Variants in DOCK4 observed in about 807,000 individuals in gnomAD.
DOCK4 encodes dedicator of cytokinesis protein 4.
DOCK4 carries 97 observed loss-of-function variants against 268.1 expected under a neutral mutation model. The ratio of observed to expected loss-of-function variants is 0.36; its 90% CI spans 0.31 to 0.43. The LOEUF (loss-of-function observed/expected upper bound fraction) is 0.43. DOCK4 is among the 20% of genes least tolerant of loss of function. The pLI, the probability that DOCK4 is intolerant of heterozygous loss-of-function variation, is 1.00. For missense variants in DOCK4, 2,145 were observed against 2,455.7 expected, an observed-to-expected ratio of 0.87 and a Z score of 2.67; for synonymous variants, 954 against 887.2, an observed-to-expected ratio of 1.08 and a Z score of -1.34.
At chr7:111,785,297 A>C (rs566507117) in intron 32 of DOCK4, among the ~76,000 whole-genome samples, 69 of 152,218 alleles carry the variant, frequency 4.5e-4, no homozygotes, top group Non-Finnish European at 7.6e-4. Context: ...TTTCAGGCTT[A>C]AATTGCAAAT....
At chr7:111,736,350 C>G (rs1795472441) in intron 50 of DOCK4, among the ~76,000 whole-genome samples, 1 of 152,192 alleles carries the variant, frequency 6.6e-6, no homozygotes, top group Non-Finnish European at 1.5e-5. Flanking sequence ...TCTTCATCTT[C>G]TGCCGTGTTG....
intron 12 of DOCK4, among the ~76,000 whole-genome samples, chr7:111,930,116 C>T (rs965155711): frequency 9.9e-5 from 15 of 152,204 alleles, no homozygotes; most frequent in African/African-American, 3.4e-4. Context: ...ATTTCAAATT[C>T]TCACAACATT....
At chr7:111,849,875 C>G (rs1433128769) in intron 23 of DOCK4, among the ~76,000 whole-genome samples, 1 of 152,098 alleles carries the variant, frequency 6.6e-6, no homozygotes, top group Non-Finnish European at 1.5e-5. Context: ...GATTCCTGAT[C>G]CTTTCTGAAG....
At chr7:111,889,430 T>C (rs1180838612) in intron 16 of DOCK4, among the ~76,000 whole-genome samples, 1 of 152,090 alleles carries the variant, frequency 6.6e-6, no homozygotes, top group Non-Finnish European at 1.5e-5. Context: ...TAGATTGCAA[T>C]CCTGTCAGTC....
intron 24 of DOCK4, among the ~76,000 whole-genome samples, chr7:111,845,195 A>G (rs1422139019): frequency 6.6e-6 from 1 of 152,188 alleles, no homozygotes; most frequent in Non-Finnish European, 1.5e-5. Context: ...ACCTCAGGCA[A>G]GTCAGTCTGC....
intron 1 of DOCK4, among the ~76,000 whole-genome samples, chr7:112,092,846 G>A (rs575008803): frequency 5.9e-5 from 9 of 151,946 alleles, no homozygotes; most frequent in Admixed American, 3.3e-4. Flanking sequence ...GCAGGCTCTG[G>A]GCACCAGTAA....
chr7:111,754,138 G>C (rs1796871246), intron 42 of DOCK4, among the ~76,000 whole-genome samples: 1 of 151,838 alleles, frequency 6.6e-6, no homozygotes, highest in Non-Finnish European at 1.5e-5. Flanking sequence ...TCAGCGGGAA[G>C]CATAATAAGA....
chr7:111,977,381 A>C, intron 7 of DOCK4, 98 bp from the exon 8 acceptor site: 1 of 1,312,578 alleles, frequency 7.6e-7, no homozygotes, highest in Non-Finnish European at 1.0e-6. Context: ...GTGATGTCCT[A>C]CGCCATAACT....
Position 112,042,903 on chromosome 7 carries a change from C to T in DOCK4, c.38-38772G>A, listed in dbSNP as rs538679509. Among the ~76,000 whole-genome samples, 10 of 152,232 alleles carry T rather than the reference C, an allele frequency of 6.6e-5. No individual in the cohort carries two copies. In the South Asian group the frequency reaches 1.0e-3, roughly 16 times the overall value. On this transcript the variant is annotated intron_variant, in intron 1 of 52. Transcript: ENST00000428084. ...GGGAGTAAGTTAGTTACCATGAAAG[C>T]GGGTTGTTACAAAGCAAGCTCAGCC... is the stretch of plus-strand genomic sequence containing the variant.
At chr7:112,000,734 A>T (rs1390480229) in intron 2 of DOCK4, among the ~76,000 whole-genome samples, 200 bp from the exon 3 acceptor site, 1 of 152,212 alleles carries the variant, frequency 6.6e-6, no homozygotes, top group Non-Finnish European at 1.5e-5. Flanking sequence ...AACCATTTTT[A>T]AAAAACTGTA....
intron 1 of DOCK4, among the ~76,000 whole-genome samples, chr7:112,203,371 G>T (rs1335689653): frequency 6.6e-6 from 1 of 152,008 alleles, no homozygotes; most frequent in Non-Finnish European, 1.5e-5. Context: ...TCATTAAATG[G>T]GACGGTGCCT....
intron 1 of DOCK4, among the ~76,000 whole-genome samples, chr7:112,060,539 T>C (rs1291906675): frequency 6.6e-6 from 1 of 152,194 alleles, no homozygotes. Context: ...GGCAGCATTT[T>C]TCACAATGGC....
chr7:111,873,701 G>A lies in DOCK4; in HGVS notation c.1745-1137C>T, dbSNP rs1328836892. Reference sequence around the variant, plus strand: ...ATATAGAGAACACCAGTGAGAAAAAGCATTAAGAATCTCAAGGAGAAAGAG... The same window carrying A: ...ATATAGAGAACACCAGTGAGAAAAAACATTAAGAATCTCAAGGAGAAAGAG... On this transcript the variant is annotated intron_variant, in intron 17 of 52. Coordinates refer to ENST00000428084, the MANE Select transcript of DOCK4 (RefSeq NM_001363540.2). 5.3e-5 allele frequency among the ~76,000 whole-genome samples: 8 copies of A among 152,224 alleles called. No individual in the cohort carries two copies. In the East Asian group the frequency reaches 1.5e-3, roughly 29 times the overall value.
intron 30 of DOCK4, among the ~76,000 whole-genome samples, chr7:111,790,993 G>A (rs1466600382): frequency 6.7e-6 from 1 of 149,020 alleles, no homozygotes; most frequent in African/African-American, 2.5e-5. Context: ...GGGAGGCGGA[G>A]CTTGCAGTGA....
At chr7:112,133,358 G>C (rs1250084917) in intron 1 of DOCK4, among the ~76,000 whole-genome samples, 1 of 152,084 alleles carries the variant, frequency 6.6e-6, no homozygotes, top group African/African-American at 2.4e-5. Flanking sequence ...ATATAAATGA[G>C]CACACTTTCC....
At chr7:112,125,445 C>T (rs1478738823) in intron 1 of DOCK4, among the ~76,000 whole-genome samples, 1 of 152,190 alleles carries the variant, frequency 6.6e-6, no homozygotes, top group Non-Finnish European at 1.5e-5. Flanking sequence ...CAGGCTGTCT[C>T]CCAATGAATG....
At chr7:111,928,273 A>T (rs1429290115) in intron 12 of DOCK4, among the ~76,000 whole-genome samples, 2 of 152,152 alleles carry the variant, frequency 1.3e-5, no homozygotes, top group Non-Finnish European at 2.9e-5. Flanking sequence ...GATTATTTTA[A>T]TTTACTGAAA....
chr7:112,193,425 G>A (rs1820147461), intron 1 of DOCK4, among the ~76,000 whole-genome samples: 1 of 151,814 alleles, frequency 6.6e-6, no homozygotes, highest in African/African-American at 2.4e-5. Context: ...GTGAGACCCT[G>A]TTTCTACAAA....
intron 1 of DOCK4, among the ~76,000 whole-genome samples, chr7:112,126,502 AAAC>A (rs1013698990): frequency 1.3e-5 from 2 of 152,214 alleles, no homozygotes; most frequent in African/African-American, 4.8e-5. Flanking sequence ...AAAACATTAA[AAAC>A]AACAACAACA....
Sources: gnomAD v4.1 joint callset for allele counts (sites outside exome capture counted in the v4.1 genomes callset) on GRCh38, gnomAD v4.1.1 for gene constraint, MANE v1.5 for transcripts, NCBI Gene and HGNC (gene_info 2026-07-23, HGNC 2026-07-21) for gene names.